PRP4K: variants seen among roughly 807,000 people sequenced by gnomAD.
The protein encoded by PRP4K is pre-mRNA processing factor kinase PRP4K, also known as serine/threonine-protein kinase PRP4 homolog.
chr6:4,027,026 G>C, the PRP4K span, among the ~76,000 whole-genome samples: 2 of 152,176 alleles, frequency 1.3e-5, no homozygotes, highest in African/African-American at 4.8e-5. Flanking sequence ...GGGTGACCGT[G>C]GGAGAAGAGT....
chr6:4,026,410 C>G, the PRP4K span, among the ~76,000 whole-genome samples: 5 of 150,806 alleles, frequency 3.3e-5, no homozygotes, highest in Non-Finnish European at 7.4e-5. Context: ...TCAAGCACTT[C>G]TCCTGCCTCA....
the PRP4K span, among the ~76,000 whole-genome samples, chr6:4,026,363 C>T: frequency 1.6e-5 from 2 of 128,616 alleles, no homozygotes; most frequent in East Asian, 2.4e-4. Context: ...AGTGCAATGG[C>T]GCAATCTTGG....
At chr6:4,057,563 G>A in the PRP4K span, among the ~76,000 whole-genome samples, 1 of 152,266 alleles carries the variant, frequency 6.6e-6, no homozygotes, top group African/African-American at 2.4e-5. Context: ...ATTGTAAGAG[G>A]AACTTGATGT....
At chr6:4,021,359 C>G in the PRP4K span, 2 of 1,549,094 alleles carry the variant, frequency 1.3e-6, no homozygotes, top group Non-Finnish European at 1.7e-6. Flanking sequence ...CCTTCTTCCT[C>G]CACTTCCCCT....
At chr6:4,046,071 C>G in the PRP4K span, among the ~76,000 whole-genome samples, 1 of 152,202 alleles carries the variant, frequency 6.6e-6, no homozygotes, top group Admixed American at 6.5e-5. Context: ...CAGTTTCTGT[C>G]TATTCATTGG....
At chr6:4,035,582 AC>A in the PRP4K span, among the ~76,000 whole-genome samples, 1 of 152,120 alleles carries the variant, frequency 6.6e-6, no homozygotes, top group Admixed American at 6.5e-5. Context: ...ATCAAAGTCT[AC>A]CTTGCTCATT....
the PRP4K span, among the ~76,000 whole-genome samples, chr6:4,060,173 G>A: frequency 6.6e-6 from 1 of 152,268 alleles, no homozygotes; most frequent in East Asian, 1.9e-4. This position sits in a 1 kb window ranked among gnomAD's most constrained non-coding sequence, Gnocchi z 4.7. Context: ...ACTTTTGCAA[G>A]TGGTAAGTGT....
At chr6:4,030,975 A>G in the PRP4K span, among the ~76,000 whole-genome samples, 1 of 152,208 alleles carries the variant, frequency 6.6e-6, no homozygotes, top group Non-Finnish European at 1.5e-5. Flanking sequence ...GGTATAGCTC[A>G]GTATTGGCTC....
the PRP4K span, among the ~76,000 whole-genome samples, chr6:4,033,895 A>G: frequency 4.0e-5 from 6 of 151,288 alleles, no homozygotes; most frequent in East Asian, 1.2e-3. Context: ...CTGTTATCTC[A>G]AGTGCTTCTT....
At chr6:4,028,035 A>G in the PRP4K span, among the ~76,000 whole-genome samples, 12 of 151,954 alleles carry the variant, frequency 7.9e-5, no homozygotes, top group Non-Finnish European at 2.9e-5. Context: ...AAGGTTCAGG[A>G]AAAAAAAGAC....
the PRP4K span, among the ~76,000 whole-genome samples, chr6:4,026,426 C>T: frequency 3.9e-5 from 6 of 151,926 alleles, no homozygotes; most frequent in South Asian, 2.1e-4. Flanking sequence ...CCTCAGCCTC[C>T]GGAGTAGCTG....
chr6:4,027,469 A>G, the PRP4K span, among the ~76,000 whole-genome samples: 2 of 152,242 alleles, frequency 1.3e-5, no homozygotes, highest in African/African-American at 2.4e-5. Flanking sequence ...TGACTCCAGA[A>G]TCTATGCTCT....
chr6:4,023,032 C>T, the PRP4K span, among the ~76,000 whole-genome samples: 1 of 152,160 alleles, frequency 6.6e-6, no homozygotes, highest in Non-Finnish European at 1.5e-5. Flanking sequence ...CAGAGATAAT[C>T]TTTAATTTCC....
the PRP4K span, among the ~76,000 whole-genome samples, chr6:4,033,133 C>T: frequency 1.3e-5 from 2 of 152,142 alleles, no homozygotes; most frequent in Non-Finnish European, 2.9e-5. Context: ...AAACTCTTAA[C>T]TTTGAAAAGG....
chr6:4,060,427 T>G, the PRP4K span: 1 of 1,613,842 alleles, frequency 6.2e-7, no homozygotes, highest in Non-Finnish European at 8.5e-7. This position sits in a 1 kb window ranked among gnomAD's most constrained non-coding sequence, Gnocchi z 4.7. Context: ...AAGTTACTGT[T>G]ATGAGCACCA....
the PRP4K span, among the ~76,000 whole-genome samples, chr6:4,038,367 A>T: frequency 4.7e-4 from 71 of 151,310 alleles, no homozygotes; most frequent in African/African-American, 1.7e-3. Flanking sequence ...TCTCACTGCA[A>T]CCTCCACCTC....
chr6:4,043,757 GT>G, the PRP4K span: 3 of 1,514,548 alleles, frequency 2.0e-6, no homozygotes, highest in Non-Finnish European at 2.7e-6. Context: ...AGCCATGAAT[GT>G]ATTTGGATAG....
At chr6:4,042,262 A>G in the PRP4K span, among the ~76,000 whole-genome samples, 2 of 152,190 alleles carry the variant, frequency 1.3e-5, no homozygotes, top group African/African-American at 4.8e-5. Context: ...TTTATTCCCA[A>G]TTTTGGTGCC....
At chr6:4,052,441 T>C in the PRP4K span, among the ~76,000 whole-genome samples, 1 of 152,244 alleles carries the variant, frequency 6.6e-6, no homozygotes, top group African/African-American at 2.4e-5. Context: ...TTTTCAGATG[T>C]GAATCTATTC....
Sources: gnomAD v4.1 joint callset for allele counts (sites outside exome capture counted in the v4.1 genomes callset) on GRCh38, gnomAD v4.1.1 for gene constraint, Gnocchi (gnomAD v3.1) non-coding constraint, MANE v1.5 for transcripts, NCBI Gene and HGNC (gene_info 2026-07-23, HGNC 2026-07-21) for gene names.